Variants in UNC5A observed in about 807,000 individuals in gnomAD.
UNC5A encodes netrin receptor UNC5A.
In UNC5A, 20 loss-of-function variants were observed where a neutral mutation model predicts 87.4. The ratio of observed to expected loss-of-function variants is 0.23; its 90% confidence interval spans 0.16 to 0.33. The LOEUF is 0.33. Among genes scored for constraint, UNC5A ranks in the 10% least tolerant of loss-of-function variants. The pLI, the probability that UNC5A is intolerant of heterozygous loss-of-function variation, is 1.00. For synonymous variants in UNC5A, 438 were observed against 482.3 expected (o/e 0.91, Z 1.20); for missense variants, 844 against 1,133.4 (o/e 0.74, Z 3.67).
chr5:176,853,601 C>T (rs1018431911), intron 1 of UNC5A, among the ~76,000 whole-genome samples: 6 of 152,208 alleles, frequency 3.9e-5, no homozygotes, highest in Non-Finnish European at 8.8e-5. Flanking sequence ...ACCAGAGTGC[C>T]GTGCTTGCCT....
At chr5:176,872,105 A>G (rs1581276487) in intron 6 of UNC5A, among the ~76,000 whole-genome samples, 1 of 75,880 alleles carries the variant, frequency 1.3e-5, no homozygotes, top group Admixed American at 1.6e-4. Context: ...ATCTGCCCAC[A>G]CTCACCCCAC....
chr5:176,830,382 T>C (rs1432321289), intron 1 of UNC5A, among the ~76,000 whole-genome samples: 1 of 148,966 alleles, frequency 6.7e-6, no homozygotes, highest in Admixed American at 6.7e-5. Flanking sequence ...GTGTGTGTTG[T>C]GCGTGTGTGT....
chr5:176,877,485 G>T, intron 9 of UNC5A, 50 bp from the exon 10 acceptor site: 1 of 1,547,642 alleles, frequency 6.5e-7, no homozygotes. Flanking sequence ...TCAGGACCCA[G>T]GATGGGCCAC....
Position 176,844,944 on chromosome 5 carries a change from G to A in UNC5A, c.71-17680G>A, listed in dbSNP as rs59413544. 0.026 allele frequency among the ~76,000 whole-genome samples: 4,019 copies of A among 152,270 alleles called. 171 individuals are homozygous for A. The highest frequency in any genetic ancestry group is 0.084 in the African/African-American group (3,473 of 41,530). On this transcript the variant is annotated intron_variant, in intron 1 of 14. Transcript: ENST00000329542. The surrounding 1 kb of genome is among the most constrained non-coding windows in gnomAD (Gnocchi z 4.2). ...GTGGGTTGGTGGCTCGCAGCTTGCC[G>A]GAAAAGCCCCACCTTATCAGAGGGC...
At position 176,824,156 on chromosome 5, in the gene UNC5A, G is replaced by A. The variant is rs906497981; in HGVS notation, c.70+13336G>A. ...CGGAGGTGCGGCCCCGATGCCTCCC[G>A]GGTTGGAGGCAGCAATGATGCAGGT... is the stretch of plus-strand genomic sequence containing the variant. On this transcript the variant is annotated intron_variant, in intron 1 of 14. Transcript: ENST00000329542. This position sits in a 1 kb window ranked among gnomAD's most constrained non-coding sequence, Gnocchi z 4.2. Among the ~76,000 whole-genome samples the A allele has an allele frequency of 7.9e-5, 12 of 152,240 alleles. No individual in the cohort carries two copies. Among genetic ancestry groups the A allele is most frequent in the Non-Finnish European group, 1.3e-4 (9 of 68,040 alleles).
chr5:176,811,484 T>C (rs1756452932), intron 1 of UNC5A, among the ~76,000 whole-genome samples: 1 of 152,214 alleles, frequency 6.6e-6, no homozygotes, highest in Admixed American at 6.5e-5. Flanking sequence ...GAGTTGTGTG[T>C]GGTTGGTCCG....
At chr5:176,864,246 G>A (rs993024824) in intron 2 of UNC5A, among the ~76,000 whole-genome samples, 1 of 152,188 alleles carries the variant, frequency 6.6e-6, no homozygotes, top group Non-Finnish European at 1.5e-5. Context: ...AGAATGGAAG[G>A]TGCAGAGGCG....
intron 1 of UNC5A, among the ~76,000 whole-genome samples, chr5:176,849,304 G>T (rs564087549): frequency 3.3e-5 from 5 of 152,326 alleles, no homozygotes; most frequent in African/African-American, 1.2e-4. Flanking sequence ...ATCAGTGCAG[G>T]CTGGGCGCAG....
rs1758055136 is a variant in UNC5A, at chr5:176,869,373, C to T, written c.721+409C>T. Among the ~76,000 whole-genome samples the T allele has an allele frequency of 6.6e-6, 1 of 152,098 alleles. No homozygotes were observed. The highest frequency in any genetic ancestry group is 6.5e-5 in the Admixed American group (1 of 15,286). ...GGTCTGGGCTGCAGGAGTGTGTGAGCCGCGGTTCAGCCTGGCTACCCCGAG... is the reference window on the plus strand; with the variant it reads ...GGTCTGGGCTGCAGGAGTGTGTGAGTCGCGGTTCAGCCTGGCTACCCCGAG... On this transcript the variant is annotated intron_variant, in intron 5 of 14. Coordinates refer to ENST00000329542, the MANE Select transcript of UNC5A (RefSeq NM_133369.3). The surrounding 1 kb of genome is among the most constrained non-coding windows in gnomAD (Gnocchi z 9.1).
intron 1 of UNC5A, among the ~76,000 whole-genome samples, chr5:176,861,344 G>A (rs1757832605): frequency 1.3e-5 from 2 of 152,200 alleles, no homozygotes; most frequent in Admixed American, 6.5e-5. Context: ...TTCAGGATGG[G>A]GTGGATGGAC....
chr5:176,833,305 A>T (rs760390013), intron 1 of UNC5A, among the ~76,000 whole-genome samples: 4 of 149,776 alleles, frequency 2.7e-5, no homozygotes, highest in Admixed American at 6.6e-5. Context: ...CCCTCCTCCC[A>T]CCCTCCACCC....
chr5:176,870,607 GC>G, intron 6 of UNC5A, 73 bp downstream of exon 6: 1 of 1,465,684 alleles, frequency 6.8e-7, no homozygotes, highest in Non-Finnish European at 9.1e-7. Flanking sequence ...GGAGGTGGGG[GC>G]TGAGGGAGCT....
chr5:176,846,898 G>T (rs187120528), intron 1 of UNC5A, among the ~76,000 whole-genome samples: 2 of 152,192 alleles, frequency 1.3e-5, no homozygotes, highest in Non-Finnish European at 2.9e-5. Context: ...CCTGTGGGCT[G>T]CTCTGAGAGG....
intron 1 of UNC5A, among the ~76,000 whole-genome samples, chr5:176,827,102 T>C (rs139650601): frequency 3.9e-4 from 59 of 151,772 alleles, no homozygotes; most frequent in African/African-American, 1.3e-3. Flanking sequence ...CCTCTGTGCC[T>C]GGCCTCTTTC....
chr5:176,879,783 C>T lies in UNC5A; in HGVS notation c.2426C>T (p.Ala809Val), dbSNP rs952347866. ...PTAMILNLWE[A>V]RHFPNGNLSQ... is the part of the protein sequence containing the mutation. ...GCCATGATCCTCAACCTGTGGGAGG[C>T]GCGGCACTTCCCCAACGGCAACCTC... Residue 809 changes from alanine (A) to valine (V), a missense_variant, in exon 15 of 15, where the codon GCG becomes GTG. This residue lies in a region of UNC5A where 177 missense variants were observed against 279.4 expected (regional missense o/e 0.63). Coordinates refer to ENST00000329542, the MANE Select transcript of UNC5A (RefSeq NM_133369.3). 11 of 1,613,332 alleles carry T rather than the reference C, an allele frequency of 6.8e-6. No homozygotes were observed. Among genetic ancestry groups the T allele is most frequent in the African/African-American group, 6.7e-5 (5 of 74,904 alleles).
chr5:176,863,332 C>T (rs548225369), intron 2 of UNC5A, among the ~76,000 whole-genome samples: 10 of 152,292 alleles, frequency 6.6e-5, no homozygotes, highest in East Asian at 3.9e-4. Context: ...GCCGGCATGC[C>T]GGTGGTGGGG....
intron 1 of UNC5A, among the ~76,000 whole-genome samples, chr5:176,855,402 C>T (rs1403374128): frequency 6.6e-6 from 1 of 152,170 alleles, no homozygotes; most frequent in Non-Finnish European, 1.5e-5. Context: ...TTCTGGGAAC[C>T]ATTGGTGGGG....
In UNC5A at chr5:176,832,188, T is replaced by C. The variant is rs146753918; in HGVS notation, c.70+21368T>C. On this transcript the variant is annotated intron_variant, in intron 1 of 14. Transcript: ENST00000329542. ...CTGGGATTGCAGGCGTGCGCCACCA[T>C]GCCTGGCCTCACACTTTCTCACTGA... is the stretch of plus-strand genomic sequence containing the variant. Among the ~76,000 whole-genome samples, 246 of 152,260 alleles carry C rather than the reference T, an allele frequency of 1.6e-3. 1 individual carries two copies. Among genetic ancestry groups the C allele is most frequent in the African/African-American group, 5.6e-3 (232 of 41,556 alleles).
At position 176,880,051 on chromosome 5, in the gene UNC5A, TC is replaced by T; in HGVS notation, c.*168del. The T allele has an allele frequency of 1.1e-6, 1 of 911,464 alleles. No individual in the cohort carries two copies. The highest frequency in any genetic ancestry group is 1.6e-6 in the Non-Finnish European group (1 of 627,086). The allele number at this position is 911,464 out of a possible 1,614,324, so 56.5% of individuals were successfully genotyped here. A position where few individuals can be genotyped will look rare whatever the true frequency, so the allele number is the denominator to read the frequency against. On this transcript the variant is annotated 3_prime_UTR_variant, in exon 15 of 15. Coordinates refer to ENST00000329542, the MANE Select transcript of UNC5A (RefSeq NM_133369.3). ...CTGGTCCTTCAGACCCTGCCCGAAC[TC>T]CCACCTCTCCATGGCCTGCCTAGCC...
Sources: allele counts gnomAD v4.1 joint callset (sites outside exome capture counted in the v4.1 genomes callset), GRCh38; gene constraint gnomAD v4.1.1; regional missense constraint gnomAD v4.1.1; non-coding constraint Gnocchi (gnomAD v3.1); transcripts MANE v1.5; gene names NCBI Gene and HGNC (gene_info 2026-07-23, HGNC 2026-07-21).